The following ALDH18A1 variants were observed in gnomAD, a reference collection of about 807,000 sequenced individuals.
ALDH18A1 encodes delta-1-pyrroline-5-carboxylate synthase.
Under a neutral mutation model 88.8 loss-of-function variants are expected in ALDH18A1, and 44 were observed. That is an observed-to-expected ratio of 0.50 (90% CI 0.39 to 0.64). The LOEUF is 0.64. Among genes scored for constraint, ALDH18A1 ranks in the 30% least tolerant of loss-of-function variants. ALDH18A1 has a pLI of 0.00. For missense variants in ALDH18A1, 782 were observed against 1,009.5 expected (o/e 0.77, Z 3.05); for synonymous variants, 331 against 372.1 (o/e 0.89, Z 1.27).
In ALDH18A1 at chr10:95,615,942, G is replaced by A. The variant is rs111627390; in HGVS notation, c.1605+535C>T. ...TGCTGTGACGATCAAATGAGTTAAC[G>A]GATAAAATGAGCCTTGCACATAGTA... On this transcript the variant is annotated intron_variant, in intron 13 of 17. Coordinates refer to ENST00000371224, the MANE Select transcript of ALDH18A1 (RefSeq NM_002860.4). 4.7e-3 allele frequency among the ~76,000 whole-genome samples: 709 copies of A among 152,160 alleles called. 4 individuals are homozygous for A. The highest frequency in any genetic ancestry group is 0.016 in the African/African-American group (655 of 41,498).
chr10:95,607,290 G>T (rs369034220), intron 17 of ALDH18A1, among the ~76,000 whole-genome samples: 1 of 152,150 alleles, frequency 6.6e-6, no homozygotes, highest in African/African-American at 2.4e-5. Flanking sequence ...TGAGGGGTAC[G>T]ACAATGTTTA....
In ALDH18A1 at chr10:95,606,562, A is replaced by T. The variant is rs1338847693; in HGVS notation, c.*200T>A. ...GGTAGCAACTATTTTCTTACTTTAA[A>T]AAAAAAGGGTGAGCTGGGAGCCAGA... On this transcript the variant is annotated 3_prime_UTR_variant, in exon 18 of 18. Transcript: ENST00000371224. The T allele has an allele frequency of 2.7e-6, 4 of 1,470,106 alleles. No individual in the cohort carries two copies. Among genetic ancestry groups the T allele is most frequent in the African/African-American group, 1.4e-5 (1 of 70,620 alleles). The allele number at this position is 1,470,106 out of a possible 1,614,324, so 91.1% of individuals were successfully genotyped here. A position where few individuals can be genotyped will look rare whatever the true frequency, so the allele number is the denominator to read the frequency against.
At position 95,649,577 on chromosome 10, in the gene ALDH18A1, G is replaced by A. The variant is rs183357014; in HGVS notation, c.88+3713C>T. Among the ~76,000 whole-genome samples the A allele has an allele frequency of 6.6e-5, 10 of 151,936 alleles. No individual in the cohort carries two copies. The East Asian group carries it at 1.2e-3, about 18-fold the overall frequency. On this transcript the variant is annotated intron_variant, in intron 2 of 17. Coordinates refer to ENST00000371224, the MANE Select transcript of ALDH18A1 (RefSeq NM_002860.4). ...TCACTGTGTTAGTCAGGATGGTCTC[G>A]ATATCCTGACCTCGTGATCTGCCCA...
At chr10:95,641,213 A>T (rs1414519755) in intron 3 of ALDH18A1, among the ~76,000 whole-genome samples, 1 of 152,154 alleles carries the variant, frequency 6.6e-6, no homozygotes, top group Non-Finnish European at 1.5e-5. Flanking sequence ...AGGAAGCCCC[A>T]GGAACAACCA....
chr10:95,635,248 T>C (rs754905006), intron 5 of ALDH18A1, among the ~76,000 whole-genome samples: 11 of 152,284 alleles, frequency 7.2e-5, no homozygotes, highest in South Asian at 2.1e-4. Flanking sequence ...ACTGAACATA[T>C]AGATTCTAGT....
rs1202802893 is a variant in ALDH18A1 at position 95,628,493 on chromosome 10, C to G, written c.809-1G>C. On this transcript the variant is annotated splice_acceptor_variant, in intron 7 of 17. Coordinates refer to ENST00000371224, the MANE Select transcript of ALDH18A1 (RefSeq NM_002860.4). LOFTEE classifies it high-confidence loss of function. ...GAACCTGGGGGGCTGTCAAAAAGGC[C>G]TAAAAAATAGACAAGAGTCAGTAAT... is the stretch of plus-strand genomic sequence containing the variant. The G allele has an allele frequency of 2.5e-6, 4 of 1,612,710 alleles. No individual in the cohort carries two copies. The highest frequency in any genetic ancestry group is 2.5e-6 in the Non-Finnish European group (3 of 1,179,918).
chr10:95,622,871 G>A (rs536293825), intron 11 of ALDH18A1, among the ~76,000 whole-genome samples: 3 of 152,148 alleles, frequency 2.0e-5, no homozygotes, highest in South Asian at 2.1e-4. Context: ...TATGCATGAT[G>A]TGATTCCCTC....
rs201069261 is a variant in ALDH18A1 at position 95,621,245 on chromosome 10, A to G, written c.1253T>C (p.Leu418Pro). 1 of 1,612,472 alleles carries G rather than the reference A, an allele frequency of 6.2e-7. No individual in the cohort carries two copies. Among genetic ancestry groups the G allele is most frequent in the Non-Finnish European group, 8.5e-7 (1 of 1,179,482 alleles). Reference sequence around the variant, plus strand: ...TAAACGTTTCAGCAGAGGAGCTGCAAGTCTCCCTGAAAAGCCATTAAGAGG... The same window carrying G: ...TAAACGTTTCAGCAGAGGAGCTGCAGGTCTCCCTGAAAAGCCATTAAGAGG... ...KKDLEEAEGR[L>P]AAPLLKRLSL... The change falls in exon 12 of 18, where the codon CTT becomes CCT. Residue 418 changes from leucine to proline, a missense_variant. Around this residue, in one of 3 missense-constraint regions of ALDH18A1, gnomAD observed 556 missense variants for 654.5 expected, o/e 0.85. Coordinates refer to ENST00000371224, the MANE Select transcript of ALDH18A1 (RefSeq NM_002860.4).
chr10:95,621,128 C>A lies in ALDH18A1; in HGVS notation c.1370G>T (p.Arg457Leu), dbSNP rs570730665. 163 of 1,613,942 alleles carry A rather than the reference C, an allele frequency of 1.0e-4. 1 individual carries two copies. The South Asian group carries it at 1.8e-3, about 18-fold the overall frequency. ...TTCCAAGTTTTTGGCGATTCGGGTGCGGCGCAAAACACGTCCCACGCTGTC... is the reference window on the plus strand; with the variant it reads ...TTCCAAGTTTTTGGCGATTCGGGTGAGGCGCAAAACACGTCCCACGCTGTC... Reference protein sequence around the residue: ...SQDSVGRVLRRTRIAKNLELE... With the variant: ...SQDSVGRVLRLTRIAKNLELE... Residue 457 changes from arginine (R) to leucine (L), a missense_variant, in exon 12 of 18, where the codon CGC becomes CTC. Arg to Leu is a moderately radical substitution (Grantham distance 102, BLOSUM62 -2). Around this residue, in one of 3 missense-constraint regions of ALDH18A1, gnomAD observed 556 missense variants for 654.5 expected, o/e 0.85. Coordinates refer to ENST00000371224, the MANE Select transcript of ALDH18A1 (RefSeq NM_002860.4).
At chr10:95,634,216 A>C (rs958267455) in intron 5 of ALDH18A1, among the ~76,000 whole-genome samples, 1 of 152,234 alleles carries the variant, frequency 6.6e-6, no homozygotes, top group African/African-American at 2.4e-5. Context: ...AAAATTAAGA[A>C]AATTAATGTA....
intron 15 of ALDH18A1, among the ~76,000 whole-genome samples, chr10:95,611,822 C>T (rs1244842569): frequency 6.6e-6 from 1 of 151,976 alleles, no homozygotes; most frequent in Non-Finnish European, 1.5e-5. Context: ...AAAAAATTAG[C>T]AGGGCATGGT....
Position 95,606,663 on chromosome 10 carries a change from C to A in ALDH18A1, c.*99G>T. The A allele has an allele frequency of 5.6e-6, 9 of 1,610,432 alleles. No individual in the cohort carries two copies. Among genetic ancestry groups the A allele is most frequent in the Non-Finnish European group, 6.8e-6 (8 of 1,179,572 alleles). On this transcript the variant is annotated 3_prime_UTR_variant, in exon 18 of 18. Coordinates refer to ENST00000371224, the MANE Select transcript of ALDH18A1 (RefSeq NM_002860.4). ...CAGGTACACTTTCCAACAGGCAGAC[C>A]CTACCAGGAACTGGGAGACAAGAGC...
At chr10:95,622,375 T>C (rs1049191279) in intron 11 of ALDH18A1, among the ~76,000 whole-genome samples, 2 of 152,032 alleles carry the variant, frequency 1.3e-5, no homozygotes, top group Non-Finnish European at 2.9e-5. Flanking sequence ...TTTTAAAACA[T>C]ATTTTGTAGA....
At chr10:95,631,942 T>A (rs1436206774) in intron 7 of ALDH18A1, among the ~76,000 whole-genome samples, 1 of 152,124 alleles carries the variant, frequency 6.6e-6, no homozygotes, top group Non-Finnish European at 1.5e-5. Context: ...TAAAAACATG[T>A]TCACACAAAA....
chr10:95,640,127 A>G (rs1464161203), intron 3 of ALDH18A1, among the ~76,000 whole-genome samples: 1 of 152,184 alleles, frequency 6.6e-6, no homozygotes, highest in East Asian at 1.9e-4. Context: ...ATAATTCCAA[A>G]AGGGAAACTC....
In ALDH18A1 at chr10:95,616,457, G is replaced by C. The variant is rs1271156501; in HGVS notation, c.1605+20C>G. The C allele has an allele frequency of 6.4e-7, 1 of 1,556,814 alleles. No homozygotes were observed. Among genetic ancestry groups the C allele is most frequent in the Non-Finnish European group, 8.7e-7 (1 of 1,149,436 alleles). On this transcript the variant is annotated intron_variant, in intron 13 of 17. Coordinates refer to ENST00000371224, the MANE Select transcript of ALDH18A1 (RefSeq NM_002860.4). ...ATCTGGCCCCTCTGGGCCTGACTTGGTGCATTCCCAGGGACCTACCAGTTG... is the reference window on the plus strand; with the variant it reads ...ATCTGGCCCCTCTGGGCCTGACTTGCTGCATTCCCAGGGACCTACCAGTTG...
intron 3 of ALDH18A1, among the ~76,000 whole-genome samples, chr10:95,640,671 C>T (rs1310240523): frequency 6.6e-6 from 1 of 152,194 alleles, no homozygotes; most frequent in African/African-American, 2.4e-5. Flanking sequence ...TTTACATCAT[C>T]CCATTTATGG....
At chr10:95,653,510 G>A in intron 1 of ALDH18A1, 105 bp from the exon 2 acceptor site, 1 of 913,810 alleles carries the variant, frequency 1.1e-6, no homozygotes, top group Non-Finnish European at 1.7e-6. Flanking sequence ...TGACTCTCCT[G>A]CTCCAAACTC....
rs942548793 is a variant in ALDH18A1 at position 95,619,018 on chromosome 10, C to CT, written c.1467+2012dup. On this transcript the variant is annotated intron_variant, in intron 12 of 17. Transcript: ENST00000371224. ...CTGAGAATAAAGTCTCAAAAATTAT[C>CT]TTTTTTTTGGTTAAAAGACCTTCAC... 1.2e-4 allele frequency among the ~76,000 whole-genome samples: 19 copies of CT among 152,102 alleles called. No individual in the cohort carries two copies. The South Asian group carries it at 2.3e-3, about 18-fold the overall frequency.
Sources: allele counts gnomAD v4.1 joint callset (sites outside exome capture counted in the v4.1 genomes callset), GRCh38; gene constraint gnomAD v4.1.1; regional missense constraint gnomAD v4.1.1; transcripts MANE v1.5; gene names NCBI Gene and HGNC (gene_info 2026-07-23, HGNC 2026-07-21).